The following IMMP2L variants were observed in gnomAD, a reference collection of about 807,000 sequenced individuals.
IMMP2L encodes the protein mitochondrial inner membrane protease subunit 2.
IMMP2L carries 18 observed loss-of-function variants against 19.3 expected under a neutral mutation model. The observed-to-expected ratio is 0.93, with a 90% CI of 0.64 to 1.38. IMMP2L has a LOEUF of 1.38. IMMP2L is among the 40% of genes most tolerant of loss of function. The pLI is 0.00. For missense variants in IMMP2L, 233 were observed against 218.2 expected, an observed-to-expected ratio of 1.07 and a Z score of -0.43; for synonymous variants, 76 against 73.0, an observed-to-expected ratio of 1.04 and a Z score of -0.21.
At chr7:111,108,719 C>T (rs1798830790) in intron 3 of IMMP2L, among the ~76,000 whole-genome samples, 1 of 152,062 alleles carries the variant, frequency 6.6e-6, no homozygotes, top group Admixed American at 6.6e-5. Context: ...TTCTGTTTGC[C>T]AAGCTTACAT....
chr7:110,865,795 C>T (rs1325339612), intron 5 of IMMP2L, among the ~76,000 whole-genome samples: 1 of 151,860 alleles, frequency 6.6e-6, no homozygotes, highest in Non-Finnish European at 1.5e-5. Context: ...GATTTCAGCT[C>T]CATTTTTAAT....
intron 4 of IMMP2L, among the ~76,000 whole-genome samples, chr7:110,898,806 T>A: frequency 6.7e-6 from 1 of 148,374 alleles, no homozygotes; most frequent in East Asian, 1.9e-4. Context: ...TTCCTGAGTT[T>A]GTTTTTTTTT....
chr7:110,729,365 G>A (rs1387131210), intron 5 of IMMP2L, among the ~76,000 whole-genome samples: 1 of 152,142 alleles, frequency 6.6e-6, no homozygotes, highest in African/African-American at 2.4e-5. Context: ...GACAGACAGC[G>A]CATGGAGAAA....
At chr7:111,085,832 T>C (rs1163234636) in intron 3 of IMMP2L, among the ~76,000 whole-genome samples, 1 of 152,186 alleles carries the variant, frequency 6.6e-6, no homozygotes, top group East Asian at 1.9e-4. Context: ...TCATGTCTGT[T>C]GCAGGGACAT....
intron 3 of IMMP2L, among the ~76,000 whole-genome samples, chr7:111,227,519 T>C (rs1813234156): frequency 6.6e-6 from 1 of 152,044 alleles, no homozygotes; most frequent in Admixed American, 6.6e-5. Flanking sequence ...TGAAACCAGA[T>C]CTATCTAAAA....
intron 3 of IMMP2L, among the ~76,000 whole-genome samples, chr7:111,177,849 C>T (rs1485450844): frequency 1.3e-5 from 2 of 152,048 alleles, no homozygotes; most frequent in East Asian, 3.9e-4. Flanking sequence ...GTGGGAACAG[C>T]TTACAAGGTA....
At chr7:111,120,872 C>T (rs1196064863) in intron 3 of IMMP2L, among the ~76,000 whole-genome samples, 1 of 151,788 alleles carries the variant, frequency 6.6e-6, no homozygotes, top group Non-Finnish European at 1.5e-5. Context: ...CGCAATCTAA[C>T]TCATTTGGTT....
intron 3 of IMMP2L, among the ~76,000 whole-genome samples, chr7:111,360,572 C>T (rs746208052): frequency 1.3e-5 from 2 of 152,136 alleles, no homozygotes; most frequent in Non-Finnish European, 2.9e-5. Flanking sequence ...AATCCCAGCA[C>T]TTTTGGAAGC....
At chr7:111,401,555 G>C (rs1396114017) in intron 3 of IMMP2L, among the ~76,000 whole-genome samples, 1 of 152,124 alleles carries the variant, frequency 6.6e-6, no homozygotes, top group African/African-American at 2.4e-5. Context: ...AAATTAACCA[G>C]TCATGTCCTT....
At chr7:111,299,328 C>G (rs901250993) in intron 3 of IMMP2L, among the ~76,000 whole-genome samples, 1 of 152,102 alleles carries the variant, frequency 6.6e-6, no homozygotes, top group African/African-American at 2.4e-5. Flanking sequence ...GGCCAGAATA[C>G]CAAACAGTGG....
At chr7:111,436,369 A>G (rs1388112394) in intron 3 of IMMP2L, among the ~76,000 whole-genome samples, 6 of 151,828 alleles carry the variant, frequency 4.0e-5, no homozygotes, top group East Asian at 1.9e-4. Context: ...ACTACACTCT[A>G]AAAAGGTATA....
intron 3 of IMMP2L, among the ~76,000 whole-genome samples, chr7:111,012,655 T>C (rs146650485): frequency 1.8e-4 from 27 of 152,286 alleles, no homozygotes; most frequent in African/African-American, 6.0e-4. Flanking sequence ...ATTACATATG[T>C]GGTAGCTATT....
chr7:110,847,571 T>C (rs2131501368), intron 5 of IMMP2L, among the ~76,000 whole-genome samples: 1 of 152,228 alleles, frequency 6.6e-6, no homozygotes, highest in Non-Finnish European at 1.5e-5. Context: ...AAACTGATTC[T>C]AAAGTGTACC....
intron 5 of IMMP2L, among the ~76,000 whole-genome samples, chr7:110,798,065 G>C (rs1654377412): frequency 6.6e-6 from 1 of 151,770 alleles, no homozygotes; most frequent in African/African-American, 2.4e-5. Flanking sequence ...TAATCACAAA[G>C]CCATAAGAAT....
chr7:111,444,975 G>C (rs1195251696), intron 3 of IMMP2L, among the ~76,000 whole-genome samples: 2 of 151,940 alleles, frequency 1.3e-5, no homozygotes, highest in Non-Finnish European at 2.9e-5. Context: ...TATTAATCAA[G>C]ATGCAGGTTT....
At chr7:110,747,552 G>A (rs1344235569) in intron 5 of IMMP2L, among the ~76,000 whole-genome samples, 1 of 152,156 alleles carries the variant, frequency 6.6e-6, no homozygotes, top group Admixed American at 6.6e-5. Context: ...TATCCACCAC[G>A]ATCAAGGTGG....
chr7:111,454,110 C>T (rs753035862), intron 3 of IMMP2L, among the ~76,000 whole-genome samples: 1 of 152,034 alleles, frequency 6.6e-6, no homozygotes, highest in Non-Finnish European at 1.5e-5. Flanking sequence ...ATATAAAAAA[C>T]TTTGGACTTT....
At chr7:110,751,828 T>C (rs899475913) in intron 5 of IMMP2L, among the ~76,000 whole-genome samples, 4 of 152,050 alleles carry the variant, frequency 2.6e-5, no homozygotes, top group African/African-American at 7.2e-5. Context: ...AAAAACCTAA[T>C]AATATTTTTA....
chr7:111,488,466 T>A (rs1165701985), intron 2 of IMMP2L, among the ~76,000 whole-genome samples: 6 of 152,196 alleles, frequency 3.9e-5, no homozygotes. Flanking sequence ...TTACTTCACT[T>A]AGATTAATAG....
Sources: gnomAD v4.1 joint callset for allele counts (sites outside exome capture counted in the v4.1 genomes callset) on GRCh38, gnomAD v4.1.1 for gene constraint, MANE v1.5 for transcripts, NCBI Gene and HGNC (gene_info 2026-07-23, HGNC 2026-07-21) for gene names.